The following RBKS variants were observed in gnomAD, a reference collection of about 807,000 sequenced individuals.
RBKS encodes the protein ribokinase.
In RBKS, 33 loss-of-function variants were observed where a neutral mutation model predicts 33.9. The observed-to-expected ratio is 0.97, with a 90% CI of 0.74 to 1.30. The LOEUF (loss-of-function observed/expected upper bound fraction) is 1.30. Among genes scored for constraint, RBKS ranks in the 50% most tolerant of loss-of-function variants. The pLI, the probability that RBKS is intolerant of heterozygous loss-of-function variation, is 0.00. For missense variants in RBKS, 361 were observed against 392.6 expected (o/e 0.92, Z 0.68); for synonymous variants, 125 against 143.0 (o/e 0.87, Z 0.90).
intron 7 of RBKS, among the ~76,000 whole-genome samples, chr2:27,813,254 A>G (rs957128153): frequency 2.6e-5 from 4 of 152,166 alleles, no homozygotes; most frequent in Non-Finnish European, 5.9e-5. Flanking sequence ...CAATTATAAA[A>G]CATGTGACAA....
chr2:27,844,230 A>T (rs1397958181), intron 4 of RBKS, among the ~76,000 whole-genome samples: 2 of 147,826 alleles, frequency 1.4e-5, no homozygotes, highest in East Asian at 4.3e-4. Flanking sequence ...ATTGCATTCC[A>T]GCCTGGGCAA....
chr2:27,809,589 G>A (rs772635075), intron 7 of RBKS: 1 of 193,760 alleles, frequency 5.2e-6, no homozygotes, highest in Non-Finnish European at 1.1e-5. Flanking sequence ...TTTGCCTTTT[G>A]TGGTCAGCAA....
intron 1 of RBKS, among the ~76,000 whole-genome samples, chr2:27,860,804 T>C (rs1401060173): frequency 6.6e-6 from 1 of 152,250 alleles, no homozygotes. Flanking sequence ...CTCTTGTCTC[T>C]TTCTTCCCTT....
intron 1 of RBKS, among the ~76,000 whole-genome samples, chr2:27,859,905 T>C (rs956867883): frequency 6.6e-6 from 1 of 152,194 alleles, no homozygotes; most frequent in African/African-American, 2.4e-5. Context: ...CGGGATGACA[T>C]ATAACTGATG....
At chr2:27,792,098 C>T (rs934406251) in intron 7 of RBKS, among the ~76,000 whole-genome samples, 1 of 152,234 alleles carries the variant, frequency 6.6e-6, no homozygotes, top group African/African-American at 2.4e-5. Context: ...TACTCCAAAG[C>T]GTGTGGTTGA....
intron 7 of RBKS, among the ~76,000 whole-genome samples, chr2:27,798,335 G>A (rs996510807): frequency 6.6e-6 from 1 of 152,038 alleles, no homozygotes; most frequent in African/African-American, 2.4e-5. Context: ...TCTCTTGCAG[G>A]CAACTCTAAC....
intron 4 of RBKS, among the ~76,000 whole-genome samples, chr2:27,843,513 TATAAC>T (rs1224793135): frequency 6.6e-6 from 1 of 152,188 alleles, no homozygotes; most frequent in Non-Finnish European, 1.5e-5. Flanking sequence ...AGAAATGACA[TATAAC>T]ATACTTTAAA....
Position 27,810,092 on chromosome 2 carries a change from C to G in RBKS, c.795+17475G>C, listed in dbSNP as rs367789931. 227 of 1,302,944 alleles carry G rather than the reference C, an allele frequency of 1.7e-4. No homozygotes were observed. The East Asian group carries it at 4.2e-3, about 24-fold the overall frequency. The allele number at this position is 1,302,944 out of a possible 1,614,324, so 80.7% of individuals were successfully genotyped here. On this transcript the variant is annotated intron_variant, in intron 7 of 7. Transcript: ENST00000302188. The surrounding 1 kb of genome is among the most constrained non-coding windows in gnomAD (Gnocchi z 4.4). ...CTGAGCAATTGTTCTGTGAATCTAA[C>G]TGCATTGAAAGCTGGTGTGGATGAT...
At chr2:27,835,942 A>G (rs1486162283) in intron 5 of RBKS, among the ~76,000 whole-genome samples, 2 of 152,014 alleles carry the variant, frequency 1.3e-5, no homozygotes, top group Non-Finnish European at 2.9e-5. Context: ...CTGGCCGGGC[A>G]CAGTGGCTCA....
chr2:27,836,894 C>A (rs1033159511), intron 5 of RBKS, among the ~76,000 whole-genome samples: 1 of 152,154 alleles, frequency 6.6e-6, no homozygotes, highest in Non-Finnish European at 1.5e-5. Flanking sequence ...ATATGAAAAA[C>A]TACTCATCGT....
At chr2:27,818,746 C>A (rs1399129099) in intron 7 of RBKS, among the ~76,000 whole-genome samples, 2 of 152,202 alleles carry the variant, frequency 1.3e-5, no homozygotes, top group Non-Finnish European at 2.9e-5. Flanking sequence ...ATTTCAGAGG[C>A]TAATGAACCA....
intron 7 of RBKS, among the ~76,000 whole-genome samples, chr2:27,824,721 G>A (rs915334452): frequency 1.3e-5 from 2 of 152,180 alleles, no homozygotes; most frequent in Non-Finnish European, 2.9e-5. Flanking sequence ...TAAGGCTTAA[G>A]TATAAATGCC....
intron 7 of RBKS, among the ~76,000 whole-genome samples, chr2:27,821,064 A>G (rs1354511692): frequency 1.4e-5 from 2 of 143,134 alleles, no homozygotes; most frequent in East Asian, 4.5e-4. Flanking sequence ...AAAAAAAAAA[A>G]GATTAGTACT....
At chr2:27,800,134 C>T (rs907718506) in intron 7 of RBKS, among the ~76,000 whole-genome samples, 4 of 149,344 alleles carry the variant, frequency 2.7e-5, no homozygotes, top group Non-Finnish European at 5.9e-5. Flanking sequence ...CTCACTGCAG[C>T]CTCAACCTCC....
At chr2:27,845,527 GAACAACAAC>G (rs5830051) in intron 4 of RBKS, among the ~76,000 whole-genome samples, 4 of 151,124 alleles carry the variant, frequency 2.6e-5, no homozygotes, top group East Asian at 2.0e-4. Flanking sequence ...GATAGTCCTA[GAACAACAAC>G]AACAACAACA....
intron 2 of RBKS, among the ~76,000 whole-genome samples, chr2:27,855,473 G>C (rs568498268): frequency 3.1e-4 from 47 of 152,232 alleles, no homozygotes; most frequent in Admixed American, 3.0e-3. Flanking sequence ...TTGATGTTTA[G>C]GAATAACTTC....
chr2:27,835,605 G>C (rs1226147899), intron 5 of RBKS, among the ~76,000 whole-genome samples: 1 of 111,336 alleles, frequency 9.0e-6, no homozygotes, highest in Non-Finnish European at 1.9e-5. Flanking sequence ...TTTTTTTTTT[G>C]GTAGAGATGA....
intron 1 of RBKS, among the ~76,000 whole-genome samples, chr2:27,874,322 T>C (rs1050774801): frequency 6.6e-6 from 1 of 152,236 alleles, no homozygotes; most frequent in Non-Finnish European, 1.5e-5. Flanking sequence ...TTCCAGACTC[T>C]GTGTGAAGTT....
intron 7 of RBKS, among the ~76,000 whole-genome samples, chr2:27,817,224 C>T (rs1332458310): frequency 6.6e-6 from 1 of 152,114 alleles, no homozygotes; most frequent in Non-Finnish European, 1.5e-5. Flanking sequence ...TAAGGATGGG[C>T]AGGAGTTTGC....
Sources: allele counts gnomAD v4.1 joint callset (sites outside exome capture counted in the v4.1 genomes callset), GRCh38; gene constraint gnomAD v4.1.1; non-coding constraint Gnocchi (gnomAD v3.1); transcripts MANE v1.5; gene names NCBI Gene and HGNC (gene_info 2026-07-23, HGNC 2026-07-21).